Variants in BMP2K observed in about 807,000 individuals in gnomAD.
BMP2K encodes the protein BMP2 inducible kinase.
A neutral mutation model predicts 116.0 loss-of-function variants in BMP2K; 74 were observed. The ratio of observed to expected loss-of-function variants is 0.64; its 90% CI spans 0.53 to 0.77. BMP2K has a LOEUF of 0.77. BMP2K is among the 30% of genes least tolerant of loss of function. BMP2K has a pLI of 0.00. For missense variants in BMP2K, 1,365 were observed against 1,403.6 expected, an observed-to-expected ratio of 0.97 and a Z score of 0.44; for synonymous variants, 486 against 502.5, an observed-to-expected ratio of 0.97 and a Z score of 0.44.
intron 14 of BMP2K, among the ~76,000 whole-genome samples, chr4:78,884,419 A>T (rs1352437130): frequency 6.6e-6 from 1 of 152,230 alleles, no homozygotes; most frequent in Admixed American, 6.5e-5. Context: ...CTAATGAATC[A>T]AGTCTACGGT....
At chr4:78,893,415 G>A (rs1411224865) in intron 15 of BMP2K, among the ~76,000 whole-genome samples, 4 of 152,150 alleles carry the variant, frequency 2.6e-5, no homozygotes, top group African/African-American at 9.7e-5. Context: ...TCTTGTTAAT[G>A]TTGATATTTT....
chr4:78,878,652 G>A, intron 13 of BMP2K, 82 bp from the exon 14 acceptor site: 1 of 1,143,202 alleles, frequency 8.7e-7, no homozygotes, highest in Non-Finnish European at 1.2e-6. Context: ...TATTTATAAA[G>A]TATAAAGTAG....
intron 3 of BMP2K, among the ~76,000 whole-genome samples, chr4:78,839,037 G>A (rs1258351173): frequency 1.3e-5 from 2 of 152,042 alleles, no homozygotes; most frequent in Non-Finnish European, 2.9e-5. Context: ...TTCTACATAT[G>A]TTTCCATGGA....
At chr4:78,782,672 C>G (rs983721137) in intron 1 of BMP2K, among the ~76,000 whole-genome samples, 1 of 152,156 alleles carries the variant, frequency 6.6e-6, no homozygotes, top group Non-Finnish European at 1.5e-5. Flanking sequence ...CAGATGCCCC[C>G]TTGTAGTTAT....
chr4:78,789,927 G>T (rs1024448017), intron 1 of BMP2K, among the ~76,000 whole-genome samples: 6 of 152,158 alleles, frequency 3.9e-5, no homozygotes, highest in Admixed American at 3.9e-4. Context: ...AGGTTATGGC[G>T]CGTGGAGTCT....
At chr4:78,824,577 A>T (rs192500124) in intron 1 of BMP2K, among the ~76,000 whole-genome samples, 22 of 152,342 alleles carry the variant, frequency 1.4e-4, no homozygotes, top group Admixed American at 1.4e-3. Flanking sequence ...GGGGATTATT[A>T]CAATTCAAAA....
Position 78,911,374 on chromosome 4 carries a change from T to A in BMP2K, c.2827T>A (p.Ser943Thr). Residue 943 changes from serine (S) to threonine (T), a missense_variant, in exon 16 of 16, where the codon TCA (serine) becomes ACA (threonine). This residue lies in a region of BMP2K where 596 missense variants were observed against 623.2 expected (regional missense o/e 0.96). Transcript: ENST00000502613. ...CACTCCATTTCAGCCCTTCCTCACA[T>A]CAACAAGTAAAAGTGAAAGCAATGA... ...GSTPFQPFLT[S>T]TSKSESNEDL... 1 of 1,613,944 alleles carries A rather than the reference T, an allele frequency of 6.2e-7. No individual in the cohort carries two copies. Among genetic ancestry groups the A allele is most frequent in the Non-Finnish European group, 8.5e-7 (1 of 1,179,880 alleles).
chr4:78,885,392 T>C, intron 14 of BMP2K, among the ~76,000 whole-genome samples: 1 of 152,188 alleles, frequency 6.6e-6, no homozygotes, highest in East Asian at 1.9e-4. Flanking sequence ...ACTGGGGGGC[T>C]AGTTGAAGTG....
intron 8 of BMP2K, 146 bp from the exon 9 acceptor site, chr4:78,861,243 A>T: frequency 1.8e-6 from 1 of 544,528 alleles, no homozygotes; most frequent in South Asian, 3.5e-5. Flanking sequence ...TGGCAAATAC[A>T]TGTGAATAAT....
At position 78,818,775 on chromosome 4, in the gene BMP2K, G is replaced by A. The variant is rs144723020; in HGVS notation, c.179-7262G>A. Among the ~76,000 whole-genome samples the A allele has an allele frequency of 2.6e-3, 391 of 149,424 alleles. 1 individual carries two copies. Among genetic ancestry groups the A allele is most frequent in the Non-Finnish European group, 4.5e-3 (302 of 67,498 alleles). On this transcript the variant is annotated intron_variant, in intron 1 of 15. Transcript: ENST00000502613. Reference sequence around the variant, plus strand: ...AATGTGTAGTTTAACTCTAACCTTCGTAAGATGAAGCAGTGTTTTTTTTTT... The same window carrying A: ...AATGTGTAGTTTAACTCTAACCTTCATAAGATGAAGCAGTGTTTTTTTTTT...
intron 15 of BMP2K, among the ~76,000 whole-genome samples, chr4:78,897,152 G>T (rs1006767989): frequency 1.3e-5 from 2 of 151,752 alleles, no homozygotes; most frequent in African/African-American, 2.4e-5. Context: ...GGCATAAATT[G>T]GTAAAACTTT....
At chr4:78,797,108 T>C (rs760933938) in intron 1 of BMP2K, among the ~76,000 whole-genome samples, 1 of 152,176 alleles carries the variant, frequency 6.6e-6, no homozygotes, top group Non-Finnish European at 1.5e-5. Context: ...CATTGTAATT[T>C]TGGGGAGTCT....
chr4:78,893,446 G>A (rs575196439), intron 15 of BMP2K, among the ~76,000 whole-genome samples: 18 of 152,264 alleles, frequency 1.2e-4, no homozygotes, highest in Non-Finnish European at 1.9e-4. Context: ...TACGAATCAC[G>A]AATGATTTTA....
At chr4:78,796,177 G>A (rs1156974863) in intron 1 of BMP2K, among the ~76,000 whole-genome samples, 3 of 152,100 alleles carry the variant, frequency 2.0e-5, no homozygotes, top group Non-Finnish European at 4.4e-5. Flanking sequence ...TTAAGAAAAT[G>A]TGGCACATAT....
At chr4:78,825,947 AT>A in intron 1 of BMP2K, 89 bp from the exon 2 acceptor site, 1 of 991,802 alleles carries the variant, frequency 1.0e-6, no homozygotes, top group South Asian at 1.5e-5. Flanking sequence ...ATCATTGTTT[AT>A]TTTCCTCCAA....
chr4:78,859,421 T>G (rs897851785), intron 7 of BMP2K, 163 bp from the exon 8 acceptor site: 29 of 483,278 alleles, frequency 6.0e-5, no homozygotes, highest in Middle Eastern at 5.2e-4. Context: ...ATTTATAAAA[T>G]AGCAATTTCT....
chr4:78,898,664 A>T (rs929508430), intron 15 of BMP2K, among the ~76,000 whole-genome samples: 1 of 151,672 alleles, frequency 6.6e-6, no homozygotes, highest in Non-Finnish European at 1.5e-5. Flanking sequence ...TCTCAAAAAA[A>T]AAAAAAGACC....
intron 2 of BMP2K, among the ~76,000 whole-genome samples, chr4:78,831,421 G>C (rs1206833278): frequency 2.6e-5 from 4 of 152,206 alleles, no homozygotes; most frequent in African/African-American, 9.6e-5. Flanking sequence ...CCTTTAATTT[G>C]TGTAAAATGC....
chr4:78,813,648 C>T (rs952548477), intron 1 of BMP2K, among the ~76,000 whole-genome samples: 9 of 152,136 alleles, frequency 5.9e-5, no homozygotes, highest in African/African-American at 1.7e-4. Flanking sequence ...GTACTTGCCT[C>T]GAGGTCTGCA....
Sources: allele counts gnomAD v4.1 joint callset (sites outside exome capture counted in the v4.1 genomes callset), GRCh38; gene constraint gnomAD v4.1.1; regional missense constraint gnomAD v4.1.1; transcripts MANE v1.5; gene names NCBI Gene and HGNC (gene_info 2026-07-23, HGNC 2026-07-21).